Variants in CCDC91 observed in about 807,000 individuals in gnomAD.
CCDC91 encodes the protein coiled-coil domain-containing protein 91.
In CCDC91, 48 loss-of-function variants were observed where a neutral mutation model predicts 63.2. That is an observed-to-expected ratio of 0.76 (90% confidence interval 0.60 to 0.97). The LOEUF (loss-of-function observed/expected upper bound fraction) is 0.97, where lower values mean the gene tolerates loss of function less well. Ranked by LOEUF, CCDC91 falls within the 50% of genes least tolerant of loss-of-function variation. The probability of loss-of-function intolerance (pLI) is 0.00; values close to 1 mark genes in which losing one functional copy is unlikely to be tolerated. For synonymous variants in CCDC91, 167 were observed against 165.8 expected (o/e 1.01, Z -0.06); for missense variants, 500 against 494.6 (o/e 1.01, Z -0.10).
At chr12:28,283,402 G>A (rs1180561591) in intron 3 of CCDC91, among the ~76,000 whole-genome samples, 1 of 151,602 alleles carries the variant, frequency 6.6e-6, no homozygotes, top group African/African-American at 2.4e-5. Context: ...GTCTTTTGTT[G>A]TTCCTGTGTA....
At position 28,484,053 on chromosome 12, in the gene CCDC91, A is replaced by G. The variant is rs772365873; in HGVS notation, c.1103A>G (p.Glu368Gly). The change falls in exon 12 of 13, where the codon GAA becomes GGA. Residue 368 changes from glutamate (E) to glycine (G), a missense_variant and splice_region_variant. Physicochemically the swap from Glu to Gly is moderately conservative, Grantham distance 98. Coordinates refer to ENST00000536442, the MANE Select transcript of CCDC91 (RefSeq NM_018318.5). The stretch of plus-strand genomic sequence containing the variant: ...TGTTTTGCCTTCTCCCACAAACAGG[A>G]AACTGTTAAGGCAGCAATAATAGAA... ...AIQEQRKISQ[E>G]TVKAAIIEEQ... The G allele has an allele frequency of 6.2e-7, 1 of 1,605,906 alleles. No homozygotes were observed. Among genetic ancestry groups the G allele is most frequent in the South Asian group, 1.1e-5 (1 of 89,842 alleles).
intron 8 of CCDC91, among the ~76,000 whole-genome samples, chr12:28,430,928 C>T (rs572481883): frequency 2.6e-5 from 4 of 152,158 alleles, no homozygotes; most frequent in African/African-American, 9.6e-5. Flanking sequence ...AATGCTCTGC[C>T]CATGGCATGA....
chr12:28,512,878 C>T (rs1164805207), intron 12 of CCDC91, among the ~76,000 whole-genome samples: 3 of 151,910 alleles, frequency 2.0e-5, no homozygotes, highest in Admixed American at 2.0e-4. Context: ...TTATAGAGAA[C>T]TGATTAGTTA....
intron 6 of CCDC91, among the ~76,000 whole-genome samples, chr12:28,331,083 A>G (rs1441317576): frequency 2.6e-5 from 4 of 152,186 alleles, no homozygotes; most frequent in Non-Finnish European, 5.9e-5. Context: ...AGACAAAGGC[A>G]TCTGTTAAAA....
At chr12:28,516,728 G>C (rs1173839271) in intron 12 of CCDC91, among the ~76,000 whole-genome samples, 7 of 151,970 alleles carry the variant, frequency 4.6e-5, no homozygotes, top group Non-Finnish European at 1.0e-4. Context: ...CATGGCAGAA[G>C]ATGAGAGGGC....
intron 1 of CCDC91, among the ~76,000 whole-genome samples, chr12:28,222,838 G>A (rs1944035509): frequency 6.6e-6 from 1 of 152,082 alleles, no homozygotes; most frequent in Non-Finnish European, 1.5e-5. Flanking sequence ...GCACTTGGGT[G>A]GCTCTTAGTA....
intron 2 of CCDC91, among the ~76,000 whole-genome samples, chr12:28,257,805 T>G (rs1322847053): frequency 6.6e-6 from 1 of 152,090 alleles, no homozygotes; most frequent in Admixed American, 6.6e-5. Context: ...TGTGTTCATT[T>G]TATTGAAATA....
At chr12:28,216,201 C>T (rs914358631) in intron 1 of CCDC91, among the ~76,000 whole-genome samples, 2 of 151,940 alleles carry the variant, frequency 1.3e-5, no homozygotes, top group Non-Finnish European at 2.9e-5. Context: ...GATTGTGTAG[C>T]AATGCTGAGG....
intron 12 of CCDC91, among the ~76,000 whole-genome samples, chr12:28,527,851 G>T (rs1941402731): frequency 6.6e-6 from 1 of 152,218 alleles, no homozygotes; most frequent in Admixed American, 6.5e-5. Flanking sequence ...TGCCTCTGTT[G>T]TGTCATGCAG....
chr12:28,250,414 A>G (rs1315766799), intron 1 of CCDC91, among the ~76,000 whole-genome samples: 1 of 152,160 alleles, frequency 6.6e-6, no homozygotes, highest in Non-Finnish European at 1.5e-5. Flanking sequence ...CACTGGTAGT[A>G]GAATTCATAG....
intron 12 of CCDC91, among the ~76,000 whole-genome samples, chr12:28,514,876 G>T (rs1939767842): frequency 1.3e-5 from 2 of 151,618 alleles, no homozygotes; most frequent in Non-Finnish European, 2.9e-5. Flanking sequence ...GAGGGTAGAG[G>T]GTGGGAAGAG....
intron 3 of CCDC91, among the ~76,000 whole-genome samples, chr12:28,297,041 C>A (rs1949602060): frequency 6.6e-6 from 1 of 151,772 alleles, no homozygotes; most frequent in Non-Finnish European, 1.5e-5. Flanking sequence ...AAAACAAGGA[C>A]CTGCATTGGA....
chr12:28,435,382 G>A (rs1948851613), intron 8 of CCDC91, among the ~76,000 whole-genome samples: 1 of 151,536 alleles, frequency 6.6e-6, no homozygotes, highest in Admixed American at 6.6e-5. Flanking sequence ...ATTTAGAAGT[G>A]TGTTGTTATC....
intron 8 of CCDC91, among the ~76,000 whole-genome samples, chr12:28,419,359 A>G (rs1947867106): frequency 1.3e-5 from 2 of 152,178 alleles, no homozygotes; most frequent in South Asian, 4.1e-4. Context: ...GACGGTAAAT[A>G]TAAGTGGTCT....
At chr12:28,346,052 C>T (rs1433788888) in intron 6 of CCDC91, among the ~76,000 whole-genome samples, 1 of 150,584 alleles carries the variant, frequency 6.6e-6, no homozygotes, top group Non-Finnish European at 1.5e-5. Context: ...TTATTGTGAT[C>T]TTATATATAT....
At chr12:28,317,433 G>A (rs1940010363) in intron 6 of CCDC91, among the ~76,000 whole-genome samples, 1 of 151,938 alleles carries the variant, frequency 6.6e-6, no homozygotes, top group Non-Finnish European at 1.5e-5. Flanking sequence ...GGGACCTGGA[G>A]TTCTCAATCT....
In CCDC91 at chr12:28,549,066, G is replaced by T. The variant is rs201558537; in HGVS notation, c.1219G>T (p.Asp407Tyr). The change falls in exon 13 of 13, where the codon GAT (aspartate) becomes TAT (tyrosine). Residue 407 changes from aspartate (D) to tyrosine (Y), a missense_variant. Coordinates refer to ENST00000536442, the MANE Select transcript of CCDC91 (RefSeq NM_018318.5). ...TCTCTTTAAAAAAATTAAACAGCTC[G>T]ATCAAGTCATCCGCCAAAGAAGCCT... ...IEYIKEQKRLDQVIRQRSLSS... is the reference protein window; with the variant it reads ...IEYIKEQKRLYQVIRQRSLSS... 2 of 1,602,606 alleles carry T rather than the reference G, an allele frequency of 1.2e-6. No individual in the cohort carries two copies. Among genetic ancestry groups the T allele is most frequent in the South Asian group, 1.1e-5 (1 of 90,048 alleles).
chr12:28,228,510 G>A (rs1478928689), intron 1 of CCDC91, among the ~76,000 whole-genome samples: 2 of 151,946 alleles, frequency 1.3e-5, no homozygotes, highest in Non-Finnish European at 2.9e-5. Context: ...AATTCTTATC[G>A]ATGGTAACCA....
chr12:28,529,409 A>G (rs1195654719), intron 12 of CCDC91, among the ~76,000 whole-genome samples: 1 of 152,178 alleles, frequency 6.6e-6, no homozygotes, highest in Non-Finnish European at 1.5e-5. Flanking sequence ...CAATGGCATC[A>G]GGGTCAGAGA....
Sources: gnomAD v4.1 joint callset for allele counts (sites outside exome capture counted in the v4.1 genomes callset) on GRCh38, gnomAD v4.1.1 for gene constraint, MANE v1.5 for transcripts, NCBI Gene and HGNC (gene_info 2026-07-23, HGNC 2026-07-21) for gene names.